The following PTBP2 variants were observed in gnomAD, a reference collection of about 807,000 sequenced individuals.
PTBP2 encodes the protein polypyrimidine tract-binding protein 2.
A neutral mutation model predicts 61.4 loss-of-function variants in PTBP2; 13 were observed. That is an observed-to-expected ratio of 0.21 (90% CI 0.14 to 0.34). PTBP2 has a LOEUF of 0.34. Ranked by LOEUF, PTBP2 falls within the 10% of genes least tolerant of loss-of-function variation. The pLI is 1.00. For missense variants in PTBP2, 405 were observed against 642.6 expected, an observed-to-expected ratio of 0.63 and a Z score of 4.00; for synonymous variants, 215 against 218.5, an observed-to-expected ratio of 0.98 and a Z score of 0.14.
chr1:96,791,827 T>TTTTTTTTGTTTTTTTTTTTGG (rs1553184731), intron 8 of PTBP2, among the ~76,000 whole-genome samples: 11 of 81,950 alleles, frequency 1.3e-4, no homozygotes, highest in Non-Finnish European at 2.3e-4. Flanking sequence ...GGAGTTGTGC[T>TTTTTTTTGTTTTTTTTTTTGG]TTTTTTTTTT....
chr1:96,745,789 G>A (rs572733126), intron 2 of PTBP2, among the ~76,000 whole-genome samples: 32 of 151,980 alleles, frequency 2.1e-4, no homozygotes, highest in Non-Finnish European at 3.4e-4. Context: ...GACTTAGGCC[G>A]GGCGTGGTGG....
In PTBP2 at chr1:96,721,826, G is replaced by A. The variant is rs370577082; in HGVS notation, c.-39G>A. The A allele has an allele frequency of 4.5e-6, 7 of 1,556,188 alleles. No individual in the cohort carries two copies. The African/African-American group carries it at 9.5e-5, about 21-fold the overall frequency. ...CGCTTGTGTGGCTCGCTGGCTGCGTGGCTCGGTTCTTGTGAGCGAAGCTTT... is the reference window on the plus strand; with the variant it reads ...CGCTTGTGTGGCTCGCTGGCTGCGTAGCTCGGTTCTTGTGAGCGAAGCTTT... On this transcript the variant is annotated 5_prime_UTR_variant, in exon 1 of 14. Coordinates refer to ENST00000674951, the MANE Select transcript of PTBP2 (RefSeq NM_021190.4).
At chr1:96,755,607 C>T (rs1033013747) in intron 3 of PTBP2, among the ~76,000 whole-genome samples, 1 of 152,172 alleles carries the variant, frequency 6.6e-6, no homozygotes, top group Non-Finnish European at 1.5e-5. Flanking sequence ...TAAGTAGATT[C>T]CTGTTTTGGC....
chr1:96,817,987 G>A (rs1662545948), downstream of PTBP2: 3 of 152,120 alleles, frequency 2.0e-5, no homozygotes, highest in South Asian at 2.1e-4. Context: ...TTTAAATTGT[G>A]TTTAAGAAAT....
intron 8 of PTBP2, among the ~76,000 whole-genome samples, chr1:96,804,084 T>G (rs1469820390): frequency 6.6e-6 from 1 of 152,070 alleles, no homozygotes; most frequent in Non-Finnish European, 1.5e-5. Flanking sequence ...AACAATAAAA[T>G]AAGAAGGAAA....
intron 5 of PTBP2, among the ~76,000 whole-genome samples, chr1:96,773,879 T>C (rs1657687471): frequency 6.7e-6 from 1 of 148,580 alleles, no homozygotes; most frequent in Non-Finnish European, 1.5e-5. Flanking sequence ...AGGAGAATGG[T>C]GCAGACCCAG....
chr1:96,785,718 AT>A (rs1037419521), intron 8 of PTBP2, among the ~76,000 whole-genome samples: 50 of 152,134 alleles, frequency 3.3e-4, no homozygotes, highest in African/African-American at 1.1e-3. Context: ...GGCATATGGG[AT>A]TTTTTTTGAA....
rs571677748 is a variant in PTBP2 at position 96,786,298 on chromosome 1, C to T, written c.904+1044C>T. Among the ~76,000 whole-genome samples, 57 of 152,228 alleles carry T rather than the reference C, an allele frequency of 3.7e-4. 1 individual carries two copies. The South Asian group carries it at 0.012, about 31-fold the overall frequency. ...GATTCTGGTAACTAATAAGAATTAA[C>T]TACCTGTTAATTCTGGCAGCTGCAA... On this transcript the variant is annotated intron_variant, in intron 8 of 13. Transcript: ENST00000674951.
intron 2 of PTBP2, among the ~76,000 whole-genome samples, chr1:96,741,567 TGTTA>T (rs776826399): frequency 6.6e-5 from 10 of 152,220 alleles, no homozygotes; most frequent in Admixed American, 3.3e-4. Flanking sequence ...TGGCCTGTTT[TGTTA>T]GTTACATGTC....
At chr1:96,810,769 AGTTT>A (rs1165602170) in intron 11 of PTBP2, among the ~76,000 whole-genome samples, 1 of 152,210 alleles carries the variant, frequency 6.6e-6, no homozygotes, top group Non-Finnish European at 1.5e-5. Flanking sequence ...TCTAAACAAA[AGTTT>A]GTTCACTTAA....
In PTBP2 at chr1:96,810,356, C is replaced by T. The variant is rs187248154; in HGVS notation, c.1172-2356C>T. Among the ~76,000 whole-genome samples the T allele has an allele frequency of 1.7e-4, 26 of 152,252 alleles. No individual in the cohort carries two copies. In the East Asian group the frequency reaches 3.3e-3, roughly 19 times the overall value. On this transcript the variant is annotated intron_variant, in intron 11 of 13. Transcript: ENST00000674951. ...AGGTAATTTCCTTCTGCTCTGTTTA[C>T]TCCTTGTGTACTTTCAGTTTTTGAC...
At chr1:96,762,055 G>GGTAA (rs1399629087) in intron 3 of PTBP2, among the ~76,000 whole-genome samples, 3 of 150,292 alleles carry the variant, frequency 2.0e-5, no homozygotes, top group Admixed American at 6.6e-5. Flanking sequence ...CAGGGTTGGG[G>GGTAA]GTAAGGTCAC....
intron 2 of PTBP2, 147 bp from the exon 3 acceptor site, chr1:96,751,278 A>G: frequency 1.4e-6 from 1 of 714,618 alleles, no homozygotes; most frequent in East Asian, 2.7e-5. Context: ...ATGGGAGAGT[A>G]GAGGGATGAA....
chr1:96,757,208 T>G (rs531127321), intron 3 of PTBP2, among the ~76,000 whole-genome samples: 9 of 152,304 alleles, frequency 5.9e-5, no homozygotes, highest in Non-Finnish European at 1.3e-4. Flanking sequence ...CTAACTACAC[T>G]GTCAATACGA....
At chr1:96,816,648 C>G (rs1055228170), downstream of PTBP2, 32 of 152,026 alleles carry the variant, frequency 2.1e-4, no homozygotes, top group African/African-American at 7.7e-4. Context: ...ATTTTAGCTC[C>G]TAGAGTTAAG....
chr1:96,812,038 A>G (rs1236271116), intron 11 of PTBP2, among the ~76,000 whole-genome samples: 1 of 152,208 alleles, frequency 6.6e-6, no homozygotes, highest in Non-Finnish European at 1.5e-5. Flanking sequence ...CTTGAGCATC[A>G]TGTTGGCCCT....
chr1:96,820,563 C>T (rs779329271), exon 14 of PTBP2: 7 of 152,040 alleles, frequency 4.6e-5, no homozygotes, highest in Non-Finnish European at 8.8e-5. Flanking sequence ...TTAGCATTCT[C>T]AGTTTTCCAC....
At chr1:96,802,335 A>C (rs1052262418) in intron 8 of PTBP2, among the ~76,000 whole-genome samples, 2 of 152,140 alleles carry the variant, frequency 1.3e-5, no homozygotes, top group South Asian at 2.1e-4. Flanking sequence ...TGTGGGATAC[A>C]AAGTTGAAGA....
At chr1:96,741,043 G>A (rs534550141) in intron 2 of PTBP2, among the ~76,000 whole-genome samples, 7 of 151,930 alleles carry the variant, frequency 4.6e-5, no homozygotes, top group Admixed American at 2.6e-4. Context: ...TGTTAGCGCT[G>A]CATGTAGATT....
Sources: gnomAD v4.1 joint callset for allele counts (sites outside exome capture counted in the v4.1 genomes callset) on GRCh38, gnomAD v4.1.1 for gene constraint, MANE v1.5 for transcripts, NCBI Gene and HGNC (gene_info 2026-07-23, HGNC 2026-07-21) for gene names.